The following UTRN variants were observed in gnomAD, a reference collection of about 807,000 sequenced individuals.
The protein encoded by UTRN is dystrophin-related protein 1.
UTRN carries 283 observed loss-of-function variants against 463.9 expected under a neutral mutation model. The observed-to-expected ratio is 0.61, with a 90% CI of 0.55 to 0.67. The LOEUF (loss-of-function observed/expected upper bound fraction) is 0.67. Among genes scored for constraint, UTRN ranks in the 30% least tolerant of loss-of-function variants. The pLI is 0.00. For missense variants in UTRN, 3,922 were observed against 4,084.3 expected, an observed-to-expected ratio of 0.96 and a Z score of 1.08; for synonymous variants, 1,442 against 1,431.5, an observed-to-expected ratio of 1.01 and a Z score of -0.17.
At chr6:144,827,432 G>A in intron 67 of UTRN, 46 bp downstream of exon 67, 1 of 1,611,672 alleles carries the variant, frequency 6.2e-7, no homozygotes, top group Non-Finnish European at 8.5e-7. Flanking sequence ...CTGATCAGTG[G>A]TACTAGCATG....
chr6:144,561,244 T>C (rs1398580705), intron 50 of UTRN, among the ~76,000 whole-genome samples: 1 of 77,498 alleles, frequency 1.3e-5, no homozygotes, highest in Non-Finnish European at 2.7e-5. Flanking sequence ...TATATATATA[T>C]ATATATATAT....
intron 2 of UTRN, among the ~76,000 whole-genome samples, chr6:144,329,036 C>T (rs1221671689): frequency 1.3e-5 from 2 of 151,120 alleles, no homozygotes; most frequent in Non-Finnish European, 2.9e-5. Context: ...CCCCCTGCCT[C>T]GGCCTGCAAA....
chr6:144,296,122 G>A (rs1163716646), intron 2 of UTRN, among the ~76,000 whole-genome samples: 1 of 152,126 alleles, frequency 6.6e-6, no homozygotes, highest in East Asian at 1.9e-4. Context: ...CTTCCCACTA[G>A]AACAGGGCTC....
At chr6:144,655,580 C>G (rs1779239854) in intron 51 of UTRN, among the ~76,000 whole-genome samples, 1 of 152,178 alleles carries the variant, frequency 6.6e-6, no homozygotes, top group Non-Finnish European at 1.5e-5. Context: ...GTGTAATCAC[C>G]TATTGACCTT....
At position 144,377,441 on chromosome 6, in the gene UTRN, G is replaced by C. The variant is rs1418619412; in HGVS notation, c.80-25682G>C. ...CATGTATTTCCCATAAATCTATTAA[G>C]TTAAAATCTGTGCCACTTATCAAAG... is the stretch of plus-strand genomic sequence containing the variant. On this transcript the variant is annotated intron_variant, in intron 2 of 74. Coordinates refer to ENST00000367545, the MANE Select transcript of UTRN (RefSeq NM_007124.3). 2.6e-5 allele frequency among the ~76,000 whole-genome samples: 4 copies of C among 152,132 alleles called. No individual in the cohort carries two copies. The East Asian group carries it at 7.7e-4, about 29-fold the overall frequency.
chr6:144,827,269 C>T (rs1399470869), intron 66 of UTRN, 79 bp from the exon 67 acceptor site: 3 of 1,545,898 alleles, frequency 1.9e-6, no homozygotes, highest in African/African-American at 2.7e-5. Flanking sequence ...AGAATCTCCC[C>T]ACACCCCCAC....
At chr6:144,328,605 ATAT>A (rs144668523) in intron 2 of UTRN, among the ~76,000 whole-genome samples, 13,171 of 152,166 alleles carry the variant, frequency 0.087, 798 homozygotes, top group African/African-American at 0.17. Context: ...TTTTAAGGAA[ATAT>A]TATTTCCTTT....
intron 2 of UTRN, among the ~76,000 whole-genome samples, chr6:144,303,908 C>G (rs1805502713): frequency 6.6e-6 from 1 of 152,146 alleles, no homozygotes; most frequent in African/African-American, 2.4e-5. Context: ...TTAGTAATTT[C>G]AGCTTCAACA....
chr6:144,793,772 T>G (rs1313135364), intron 62 of UTRN, 62 bp from the exon 63 acceptor site: 1 of 1,565,624 alleles, frequency 6.4e-7, no homozygotes, highest in Middle Eastern at 1.7e-4. Flanking sequence ...TTACCAAAGA[T>G]ATATTTTAAG....
rs181869566 is a variant in UTRN at position 144,652,149 on chromosome 6, G to A, written c.7480-26257G>A. On this transcript the variant is annotated intron_variant, in intron 51 of 74. Coordinates refer to ENST00000367545, the MANE Select transcript of UTRN (RefSeq NM_007124.3). ...GCAGAGCTTGAGATGACAAGACATT[G>A]CAAAGTCCCTTCTACTGTGGCTTAA... 1.4e-3 allele frequency among the ~76,000 whole-genome samples: 210 copies of A among 152,300 alleles called. 2 individuals are homozygous for A. Among genetic ancestry groups the A allele is most frequent in the African/African-American group, 3.5e-3 (146 of 41,560 alleles).
intron 65 of UTRN, among the ~76,000 whole-genome samples, chr6:144,805,508 T>C (rs149220614): frequency 1.3e-5 from 2 of 152,180 alleles, no homozygotes; most frequent in Non-Finnish European, 2.9e-5. Flanking sequence ...ACAGAACATA[T>C]AGTGGTCTGA....
chr6:144,427,252 A>C (rs1366131511), intron 7 of UTRN, among the ~76,000 whole-genome samples: 1 of 152,212 alleles, frequency 6.6e-6, no homozygotes, highest in Non-Finnish European at 1.5e-5. Flanking sequence ...AAAAAAAATA[A>C]TAATTTCTAC....
chr6:144,805,667 C>CTCT (rs1778087353), intron 65 of UTRN, among the ~76,000 whole-genome samples: 3 of 149,800 alleles, frequency 2.0e-5, no homozygotes, highest in Admixed American at 6.6e-5. Flanking sequence ...TTAAGACTTC[C>CTCT]GAGTTGGCAA....
At chr6:144,310,535 CA>C (rs59215811) in intron 2 of UTRN, among the ~76,000 whole-genome samples, 4,913 of 92,022 alleles carry the variant, frequency 0.053, 266 homozygotes, top group East Asian at 0.22. Context: ...AACTCCGTCT[CA>C]AAAAAAAAAA....
intron 54 of UTRN, among the ~76,000 whole-genome samples, chr6:144,732,600 C>A (rs1041835046): frequency 2.0e-5 from 3 of 151,850 alleles, no homozygotes; most frequent in Non-Finnish European, 2.9e-5. Flanking sequence ...CTTTCCATTG[C>A]ATACTGAAAA....
intron 50 of UTRN, among the ~76,000 whole-genome samples, chr6:144,563,427 C>A (rs1800107884): frequency 6.6e-6 from 1 of 152,112 alleles, no homozygotes; most frequent in Admixed American, 6.6e-5. Flanking sequence ...GTAGAAGATA[C>A]TTATATTGGG....
intron 51 of UTRN, among the ~76,000 whole-genome samples, chr6:144,610,789 C>T (rs527731718): frequency 6.6e-6 from 1 of 152,158 alleles, no homozygotes; most frequent in African/African-American, 2.4e-5. Context: ...GCAGGAGAAT[C>T]TCTTGAACCT....
intron 2 of UTRN, among the ~76,000 whole-genome samples, chr6:144,352,283 T>C (rs934656247): frequency 2.0e-5 from 3 of 152,206 alleles, no homozygotes; most frequent in Non-Finnish European, 4.4e-5. Context: ...ATCTTTTTTG[T>C]GTGTGTACGA....
intron 2 of UTRN, among the ~76,000 whole-genome samples, chr6:144,334,616 C>T (rs1248045198): frequency 6.6e-6 from 1 of 152,176 alleles, no homozygotes; most frequent in Non-Finnish European, 1.5e-5. Context: ...TGTATTTCCT[C>T]TTGGCTTCAT....
Sources: gnomAD v4.1 joint callset for allele counts (sites outside exome capture counted in the v4.1 genomes callset) on GRCh38, gnomAD v4.1.1 for gene constraint, MANE v1.5 for transcripts, NCBI Gene and HGNC (gene_info 2026-07-23, HGNC 2026-07-21) for gene names.